Variants in FSTL4 observed in about 807,000 individuals in gnomAD.
The protein encoded by FSTL4 is follistatin like 4.
Under a neutral mutation model 78.2 loss-of-function variants are expected in FSTL4, and 28 were observed. The observed-to-expected ratio is 0.36, with a 90% CI of 0.27 to 0.49. FSTL4 has a LOEUF of 0.49. FSTL4 is among the 20% of genes least tolerant of loss of function. The probability of loss-of-function intolerance (pLI) is 0.98; values close to 1 mark genes in which losing one functional copy is unlikely to be tolerated. For synonymous variants in FSTL4, 422 were observed against 440.5 expected (o/e 0.96, Z 0.53); for missense variants, 922 against 1,084.9 (o/e 0.85, Z 2.11).
At chr5:133,581,773 C>T (rs538282718) in intron 2 of FSTL4, among the ~76,000 whole-genome samples, 13 of 152,350 alleles carry the variant, frequency 8.5e-5, no homozygotes, top group Non-Finnish European at 1.3e-4. Context: ...GGGACACAGG[C>T]ATCAGCATTT....
the FSTL4 span, among the ~76,000 whole-genome samples, chr5:133,827,120 A>G: frequency 3.3e-5 from 5 of 152,082 alleles, no homozygotes; most frequent in East Asian, 9.6e-4. Context: ...GCACTCTGTC[A>G]CCTCTTATGA....
intron 3 of FSTL4, among the ~76,000 whole-genome samples, chr5:133,496,682 G>A (rs906074496): frequency 3.3e-5 from 5 of 152,208 alleles, no homozygotes; most frequent in Admixed American, 6.5e-5. Context: ...CGAGGACAGT[G>A]AGGGAGGTGA....
chr5:133,580,973 T>C (rs1189528827), intron 2 of FSTL4, among the ~76,000 whole-genome samples: 1 of 152,192 alleles, frequency 6.6e-6, no homozygotes, highest in African/African-American at 2.4e-5. Flanking sequence ...CTCCACCATG[T>C]GTGCCTCACT....
the FSTL4 span, among the ~76,000 whole-genome samples, chr5:133,812,490 G>C: frequency 6.6e-6 from 1 of 152,140 alleles, no homozygotes; most frequent in Non-Finnish European, 1.5e-5. Flanking sequence ...GAAGCCTTAG[G>C]GCCTTTGCAC....
Position 133,545,268 on chromosome 5 carries a change from T to C in FSTL4, c.160+21918A>G, listed in dbSNP as rs536714048. Among the ~76,000 whole-genome samples the C allele has an allele frequency of 3.3e-5, 5 of 152,074 alleles. No homozygotes were observed. The South Asian group carries it at 8.3e-4, about 25-fold the overall frequency. On this transcript the variant is annotated intron_variant, in intron 3 of 15. Coordinates refer to ENST00000265342, the MANE Select transcript of FSTL4 (RefSeq NM_015082.2). The stretch of plus-strand genomic sequence containing the variant: ...GTCCCTGGTGTGGCAGTGTTGGGGG[T>C]AGAGTCTTTAAGAGGCGATTAGGTC...
intron 3 of FSTL4, among the ~76,000 whole-genome samples, chr5:133,428,002 ACTCTATACCCAGATATCAACTTG>A: frequency 6.6e-6 from 1 of 152,146 alleles, no homozygotes; most frequent in South Asian, 2.1e-4. Context: ...GAAAAATCAC[ACTCTATACCCAGATATCAACTTG>A]TGTGAGTTGG....
chr5:133,391,414 C>T (rs1204819957), intron 4 of FSTL4, among the ~76,000 whole-genome samples: 2 of 152,210 alleles, frequency 1.3e-5, no homozygotes, highest in African/African-American at 4.8e-5. Flanking sequence ...CCCCTCCTGT[C>T]CACACAGGGC....
chr5:133,568,244 T>C (rs977694941), intron 2 of FSTL4, among the ~76,000 whole-genome samples: 50 of 152,174 alleles, frequency 3.3e-4, no homozygotes, highest in African/African-American at 1.2e-3. Flanking sequence ...ATAAACGACA[T>C]GTTTTGGATA....
the FSTL4 span, among the ~76,000 whole-genome samples, chr5:133,733,864 G>A: frequency 6.6e-6 from 1 of 152,196 alleles, no homozygotes; most frequent in Non-Finnish European, 1.5e-5. Flanking sequence ...ACCGAGGCTT[G>A]GATGCTCTTC....
chr5:133,453,034 C>G (rs1757413865), intron 3 of FSTL4, among the ~76,000 whole-genome samples: 2 of 152,154 alleles, frequency 1.3e-5, no homozygotes, highest in Admixed American at 6.5e-5. Flanking sequence ...TAGAACAATG[C>G]CTGTGCACAT....
At chr5:133,709,887 C>T in the FSTL4 span, among the ~76,000 whole-genome samples, 3 of 152,194 alleles carry the variant, frequency 2.0e-5, no homozygotes, top group African/African-American at 7.2e-5. Context: ...GGGGCTCTGA[C>T]ACATCTCTGT....
At chr5:133,400,521 C>T (rs1756195174) in intron 4 of FSTL4, among the ~76,000 whole-genome samples, 1 of 152,186 alleles carries the variant, frequency 6.6e-6, no homozygotes, top group Non-Finnish European at 1.5e-5. Flanking sequence ...GATTCTACTC[C>T]CCAAGGAGCT....
chr5:133,724,185 T>C, the FSTL4 span, among the ~76,000 whole-genome samples: 1 of 152,202 alleles, frequency 6.6e-6, no homozygotes, highest in Non-Finnish European at 1.5e-5. Flanking sequence ...GGGAGAGCTC[T>C]CTCAGCTGGG....
intron 3 of FSTL4, among the ~76,000 whole-genome samples, chr5:133,417,958 TAAAAAA>T (rs527415337): frequency 2.0e-5 from 1 of 51,128 alleles, no homozygotes. Context: ...GACTCCATCT[TAAAAAA>T]AAAAAAAAAA....
At chr5:133,247,530 G>A (rs1752077518) in intron 7 of FSTL4, 1 of 152,142 alleles carries the variant, frequency 6.6e-6, no homozygotes, top group African/African-American at 2.4e-5. Context: ...TTAAAAGCTG[G>A]CACTGCACCT....
chr5:133,477,351 T>C (rs1757946575), intron 3 of FSTL4, among the ~76,000 whole-genome samples: 1 of 152,250 alleles, frequency 6.6e-6, no homozygotes. Context: ...TCATTTGCTC[T>C]ACTATTCTAA....
At chr5:133,810,214 C>G in the FSTL4 span, among the ~76,000 whole-genome samples, 1 of 152,234 alleles carries the variant, frequency 6.6e-6, no homozygotes, top group East Asian at 1.9e-4. Context: ...CCACTAACTA[C>G]TAGGGTTGCC....
chr5:133,410,367 G>A (rs551055054), intron 3 of FSTL4, among the ~76,000 whole-genome samples: 19 of 152,144 alleles, frequency 1.2e-4, no homozygotes, highest in African/African-American at 3.1e-4. Flanking sequence ...GGCTCCCTCC[G>A]TCTTGGAGCC....
At chr5:133,650,910 G>T in the FSTL4 span, among the ~76,000 whole-genome samples, 4 of 152,096 alleles carry the variant, frequency 2.6e-5, no homozygotes, top group East Asian at 5.8e-4. Flanking sequence ...TTAGTTTTTT[G>T]ATTTCTTTCA....
Sources: gnomAD v4.1 joint callset for allele counts (sites outside exome capture counted in the v4.1 genomes callset) on GRCh38, gnomAD v4.1.1 for gene constraint, MANE v1.5 for transcripts, NCBI Gene and HGNC (gene_info 2026-07-23, HGNC 2026-07-21) for gene names.